ENPP2: variants seen among roughly 807,000 people sequenced by gnomAD.
The protein encoded by ENPP2 is autotaxin.
In ENPP2, 51 loss-of-function variants were observed where a neutral mutation model predicts 120.2. The observed-to-expected ratio is 0.42, with a 90% CI of 0.34 to 0.54. The LOEUF is 0.54. Among genes scored for constraint, ENPP2 ranks in the 20% least tolerant of loss-of-function variants. ENPP2 has a pLI of 0.04. For missense variants in ENPP2, 920 were observed against 1,066.5 expected, an observed-to-expected ratio of 0.86 and a Z score of 1.91; for synonymous variants, 365 against 366.4, an observed-to-expected ratio of 1.00 and a Z score of 0.04.
chr8:119,623,076 T>C lies in ENPP2; in HGVS notation c.293-1557A>G, dbSNP rs368642837. Among the ~76,000 whole-genome samples the C allele has an allele frequency of 2.5e-4, 38 of 152,290 alleles. 1 individual carries two copies. The South Asian group carries it at 6.8e-3, about 27-fold the overall frequency. On this transcript the variant is annotated intron_variant, in intron 3 of 24. Transcript: ENST00000075322. ...CTTCAGGTCTTTATCTCTTAAAATA[T>C]GTGATAAGTGGAAAGAAATGATTTT... is the stretch of plus-strand genomic sequence containing the variant.
chr8:119,616,461 T>C, intron 7 of ENPP2, 77 bp from the exon 8 acceptor site: 1 of 1,155,990 alleles, frequency 8.7e-7, no homozygotes, highest in Non-Finnish European at 1.2e-6. Flanking sequence ...TGAATTTTCT[T>C]AGCATAGAAG....
At chr8:119,559,420 A>G (rs1813739493) in intron 24 of ENPP2, among the ~76,000 whole-genome samples, 1 of 152,240 alleles carries the variant, frequency 6.6e-6, no homozygotes, top group African/African-American at 2.4e-5. Context: ...AGCTGGGATT[A>G]TAAGAATTCT....
chr8:119,607,234 A>G (rs1048060977), intron 9 of ENPP2, among the ~76,000 whole-genome samples: 3 of 152,230 alleles, frequency 2.0e-5, no homozygotes, highest in Non-Finnish European at 4.4e-5. Flanking sequence ...GTTGTCATAT[A>G]TTTATAGAAA....
intron 22 of ENPP2, among the ~76,000 whole-genome samples, chr8:119,566,262 G>C (rs1305962124): frequency 6.6e-6 from 1 of 152,172 alleles, no homozygotes; most frequent in African/African-American, 2.4e-5. Context: ...ATAACAGAAG[G>C]AGACAGGATA....
intron 8 of ENPP2, among the ~76,000 whole-genome samples, chr8:119,614,389 C>T (rs991139125): frequency 1.3e-5 from 2 of 152,038 alleles, no homozygotes; most frequent in African/African-American, 4.8e-5. Flanking sequence ...TTATGGTGGC[C>T]ATCTTGCCCA....
chr8:119,614,240 T>C (rs1815311274), intron 8 of ENPP2, among the ~76,000 whole-genome samples: 1 of 151,872 alleles, frequency 6.6e-6, no homozygotes, highest in Non-Finnish European at 1.5e-5. Flanking sequence ...TAATTTTTTG[T>C]ATCTTTAGTA....
chr8:119,567,307 T>C (rs1814546119), intron 22 of ENPP2, among the ~76,000 whole-genome samples: 1 of 152,176 alleles, frequency 6.6e-6, no homozygotes, highest in African/African-American at 2.4e-5. Context: ...GATGGAGACA[T>C]AGATGAATAG....
At chr8:119,565,036 G>A in intron 22 of ENPP2, 81 bp from the exon 23 acceptor site, 1 of 1,234,898 alleles carries the variant, frequency 8.1e-7, no homozygotes, top group Non-Finnish European at 1.1e-6. Flanking sequence ...TAGGATGCAT[G>A]CTACGAGCCA....
chr8:119,663,053 G>A (rs182258654), intron 1 of ENPP2, among the ~76,000 whole-genome samples: 30 of 151,024 alleles, frequency 2.0e-4, no homozygotes, highest in African/African-American at 6.8e-4. Context: ...GGAGGTGGAG[G>A]TTCCAGCGAG....
chr8:119,581,448 G>A (rs1345769548), intron 18 of ENPP2, among the ~76,000 whole-genome samples: 1 of 151,992 alleles, frequency 6.6e-6, no homozygotes, highest in Non-Finnish European at 1.5e-5. Context: ...CTCTACCAAG[G>A]GGAAACATGT....
Position 119,602,354 on chromosome 8 carries a change from G to C in ENPP2, c.834-892C>G, listed in dbSNP as rs1205377097. 2.6e-5 allele frequency among the ~76,000 whole-genome samples: 4 copies of C among 152,004 alleles called. No homozygotes were observed. In the East Asian group the frequency reaches 7.7e-4, roughly 29 times the overall value. ...TGCCTGTAATCCCAGCTACTTGGGA[G>C]GCTGAGGCAAGAGAATCGCTTGAAT... is the stretch of plus-strand genomic sequence containing the variant. On this transcript the variant is annotated intron_variant, in intron 9 of 24. Transcript: ENST00000075322.
chr8:119,642,150 G>A (rs1469862829), upstream of ENPP2, among the ~76,000 whole-genome samples: 5 of 152,060 alleles, frequency 3.3e-5, no homozygotes, highest in Admixed American at 6.5e-5. Flanking sequence ...CAATTTCTCC[G>A]TTACTTCCTT....
At chr8:119,580,296 C>T (rs1223924083) in intron 18 of ENPP2, 129 bp from the exon 19 acceptor site, 8 of 745,418 alleles carry the variant, frequency 1.1e-5, no homozygotes, top group Non-Finnish European at 1.4e-5. Flanking sequence ...CTATATCATA[C>T]ATTCTTTCGA....
At chr8:119,649,860 AC>A (rs1230037191) in intron 1 of ENPP2, among the ~76,000 whole-genome samples, 1 of 152,214 alleles carries the variant, frequency 6.6e-6, no homozygotes, top group Non-Finnish European at 1.5e-5. Flanking sequence ...ATACCACTTT[AC>A]CCCCACTAGG....
At chr8:119,623,291 C>T (rs542345750) in intron 3 of ENPP2, among the ~76,000 whole-genome samples, 4 of 152,044 alleles carry the variant, frequency 2.6e-5, no homozygotes, top group Admixed American at 6.5e-5. Flanking sequence ...TGGTGAAACC[C>T]CGTCTCTACT....
chr8:119,660,931 A>C (rs142024834), intron 1 of ENPP2, among the ~76,000 whole-genome samples: 1 of 152,354 alleles, frequency 6.6e-6, no homozygotes, highest in East Asian at 1.9e-4. Flanking sequence ...AGACAACCCA[A>C]GGAAATATTC....
chr8:119,558,202 T>C (rs1334740675), intron 24 of ENPP2, among the ~76,000 whole-genome samples: 4 of 152,156 alleles, frequency 2.6e-5, no homozygotes, highest in African/African-American at 9.7e-5. Context: ...AATGCATAAA[T>C]TGCTATTTGA....
chr8:119,586,301 C>T lies in ENPP2; in HGVS notation c.1252G>A (p.Asp418Asn), dbSNP rs1274365919. ...TTCAAGTAAGGCTTAAAGTGCTGAT[C>T]TGGTTTTTTACACTGAAATAGAAAT... ...IIANLTCKKP[D>N]QHFKPYLKQH... Residue 418 changes from aspartate (D) to asparagine (N), a missense_variant, in exon 15 of 25, where the codon GAT becomes AAT. Physicochemically the swap from Asp to Asn is conservative, Grantham distance 23. Transcript: ENST00000075322. 1.2e-6 allele frequency: 2 copies of T among 1,613,778 alleles called. No homozygotes were observed. Among genetic ancestry groups the T allele is most frequent in the Non-Finnish European group, 1.7e-6 (2 of 1,179,918 alleles).
At position 119,575,422 on chromosome 8, in the gene ENPP2, A is replaced by G. The variant is rs1812265656; in HGVS notation, c.1781-4581T>C. Reference sequence around the variant, plus strand: ...TGAGGACAGTAGTTTCTGTCAAAGCATCTAGTATTTCAGAAGCAACTTCCA... The same window carrying G: ...TGAGGACAGTAGTTTCTGTCAAAGCGTCTAGTATTTCAGAAGCAACTTCCA... On this transcript the variant is annotated intron_variant, in intron 19 of 24. Coordinates refer to ENST00000075322, the MANE Select transcript of ENPP2 (RefSeq NM_001040092.3). Among the ~76,000 whole-genome samples the G allele has an allele frequency of 2.0e-5, 3 of 152,022 alleles. No homozygotes were observed. In the South Asian group the frequency reaches 6.2e-4, roughly 32 times the overall value.
Sources: allele counts gnomAD v4.1 joint callset (sites outside exome capture counted in the v4.1 genomes callset), GRCh38; gene constraint gnomAD v4.1.1; transcripts MANE v1.5; gene names NCBI Gene and HGNC (gene_info 2026-07-23, HGNC 2026-07-21).